Variants in TRDN observed in about 807,000 individuals in gnomAD.
TRDN encodes triadin in skeletal muscle.
A neutral mutation model predicts 149.7 loss-of-function variants in TRDN; 161 were observed. The observed-to-expected ratio is 1.08, with a 90% CI of 0.95 to 1.23. TRDN has a LOEUF of 1.23. TRDN is among the 50% of genes most tolerant of loss of function. The pLI is 0.00. For missense variants in TRDN, 896 were observed against 823.5 expected (o/e 1.09, Z -1.08); for synonymous variants, 294 against 250.5 (o/e 1.17, Z -1.64).
intron 24 of TRDN, among the ~76,000 whole-genome samples, chr6:123,286,906 A>T (rs928138313): frequency 3.9e-5 from 6 of 152,102 alleles, no homozygotes; most frequent in Non-Finnish European, 8.8e-5. Flanking sequence ...TTCCAGACCT[A>T]TCAAATCAGA....
intron 38 of TRDN, among the ~76,000 whole-genome samples, chr6:123,235,026 C>T (rs1339486046): frequency 6.6e-6 from 1 of 151,958 alleles, no homozygotes; most frequent in Admixed American, 6.6e-5. Context: ...TCATATTTCT[C>T]CCCCCAAAAT....
chr6:123,454,918 T>G (rs1461551764), intron 10 of TRDN, among the ~76,000 whole-genome samples: 1 of 152,182 alleles, frequency 6.6e-6, no homozygotes, highest in Non-Finnish European at 1.5e-5. Context: ...GGTTGAGGAA[T>G]GCTGATGTAA....
intron 7 of TRDN, 70 bp from the exon 8 acceptor site, chr6:123,503,971 T>A: frequency 1.4e-6 from 2 of 1,444,186 alleles, no homozygotes; most frequent in Non-Finnish European, 1.8e-6. Context: ...CTGTACTATG[T>A]CATTAAGGAA....
chr6:123,621,475 T>C (rs906928784), intron 1 of TRDN, among the ~76,000 whole-genome samples: 1 of 151,938 alleles, frequency 6.6e-6, no homozygotes, highest in African/African-American at 2.4e-5. Flanking sequence ...ATAATAGATA[T>C]TAAAACTAAA....
intron 14 of TRDN, among the ~76,000 whole-genome samples, chr6:123,385,757 T>C (rs1039895475): frequency 5.9e-5 from 9 of 152,148 alleles, no homozygotes; most frequent in Non-Finnish European, 1.0e-4. Flanking sequence ...TAACCTGGAA[T>C]TCCTAGAATT....
chr6:123,344,152 T>C (rs1780167108), intron 21 of TRDN, among the ~76,000 whole-genome samples: 1 of 152,022 alleles, frequency 6.6e-6, no homozygotes, highest in African/African-American at 2.4e-5. Flanking sequence ...ACCCAGTCAA[T>C]GGCAGTTTGT....
At chr6:123,532,188 C>A (rs1333909629) in intron 4 of TRDN, among the ~76,000 whole-genome samples, 2 of 151,926 alleles carry the variant, frequency 1.3e-5, no homozygotes, top group East Asian at 1.9e-4. Context: ...CACTAGATTA[C>A]AAAAACTTAG....
At chr6:123,558,853 A>G (rs1051810215) in intron 2 of TRDN, among the ~76,000 whole-genome samples, 1 of 152,200 alleles carries the variant, frequency 6.6e-6, no homozygotes, top group African/African-American at 2.4e-5. Context: ...AAGAACTCCA[A>G]ACGCCTGAAC....
chr6:123,585,511 A>G (rs370093144), intron 1 of TRDN, among the ~76,000 whole-genome samples: 24 of 151,930 alleles, frequency 1.6e-4, no homozygotes, highest in Admixed American at 3.9e-4. Flanking sequence ...CTCGGCATCC[A>G]TGATGGTCTA....
At chr6:123,341,698 A>G (rs1780069072) in intron 21 of TRDN, among the ~76,000 whole-genome samples, 1 of 151,986 alleles carries the variant, frequency 6.6e-6, no homozygotes, top group African/African-American at 2.4e-5. Context: ...TTTTAGTTAT[A>G]TATTTAACAT....
At chr6:123,624,854 A>T (rs1462075984) in intron 1 of TRDN, among the ~76,000 whole-genome samples, 2 of 152,154 alleles carry the variant, frequency 1.3e-5, no homozygotes, top group Admixed American at 6.6e-5. Context: ...CTCAGATGGG[A>T]TGACAGGGAA....
chr6:123,255,856 T>TA lies in TRDN; in HGVS notation c.1906+10dup, dbSNP rs1371429325. The TA allele has an allele frequency of 2.2e-6, 3 of 1,340,966 alleles. No homozygotes were observed. Among genetic ancestry groups the TA allele is most frequent in the Middle Eastern group, 5.1e-4 (2 of 3,952 alleles). 83.1% of individuals were successfully genotyped at this position (1,340,966 alleles called of 1,614,324 possible). A position where few individuals can be genotyped will look rare whatever the true frequency, so the allele number is the denominator to read the frequency against. ...CTTTGCATTCTATTTTTTATTCTTT[T>TA]AAAAAATTACCTTTTTCTTCTCTAA... On this transcript the variant is annotated intron_variant, in intron 36 of 40. Transcript: ENST00000334268.
chr6:123,448,456 T>C (rs1775537647), intron 10 of TRDN, among the ~76,000 whole-genome samples: 1 of 152,102 alleles, frequency 6.6e-6, no homozygotes, highest in East Asian at 1.9e-4. Context: ...GGCCTGTGAC[T>C]GCTGGCTTTC....
intron 35 of TRDN, among the ~76,000 whole-genome samples, chr6:123,256,372 C>T (rs1776564291): frequency 6.6e-6 from 1 of 151,928 alleles, no homozygotes; most frequent in African/African-American, 2.4e-5. Flanking sequence ...AAGTCTCAGT[C>T]ACATGCTATT....
At chr6:123,520,697 A>G (rs533517405) in intron 5 of TRDN, among the ~76,000 whole-genome samples, 57 of 152,284 alleles carry the variant, frequency 3.7e-4, no homozygotes, top group African/African-American at 1.3e-3. Flanking sequence ...TTATTTTCAA[A>G]TTCAATTTAA....
intron 9 of TRDN, among the ~76,000 whole-genome samples, chr6:123,472,305 A>C (rs1313448049): frequency 6.6e-6 from 1 of 152,190 alleles, no homozygotes; most frequent in Non-Finnish European, 1.5e-5. Flanking sequence ...CTTCCGAGTC[A>C]AAGAAAGGGG....
intron 7 of TRDN, among the ~76,000 whole-genome samples, chr6:123,507,901 G>T (rs769377860): frequency 6.6e-6 from 1 of 151,946 alleles, no homozygotes; most frequent in Admixed American, 6.6e-5. Context: ...TACTACACAT[G>T]TTGGGAGTTA....
intron 23 of TRDN, among the ~76,000 whole-genome samples, chr6:123,330,942 G>A (rs1381969750): frequency 6.6e-6 from 1 of 151,974 alleles, no homozygotes; most frequent in Non-Finnish European, 1.5e-5. Flanking sequence ...ATCCCAGTAA[G>A]ATGAAAGTTG....
intron 1 of TRDN, among the ~76,000 whole-genome samples, chr6:123,600,191 T>A (rs1784218203): frequency 6.6e-6 from 1 of 152,172 alleles, no homozygotes; most frequent in South Asian, 2.1e-4. Context: ...TGTGCCCTTT[T>A]GTGTTACCGT....
Sources: gnomAD v4.1 joint callset for allele counts (sites outside exome capture counted in the v4.1 genomes callset) on GRCh38, gnomAD v4.1.1 for gene constraint, MANE v1.5 for transcripts, NCBI Gene and HGNC (gene_info 2026-07-23, HGNC 2026-07-21) for gene names.